TSC2: variants seen among roughly 807,000 people sequenced by gnomAD.
TSC2 encodes the protein tuberin.
A neutral mutation model predicts 202.2 loss-of-function variants in TSC2; 29 were observed. The ratio of observed to expected loss-of-function variants is 0.14; its 90% confidence interval spans 0.11 to 0.20. The LOEUF is 0.20. TSC2 is among the 10% of genes least tolerant of loss of function. TSC2 has a pLI of 1.00. For missense variants in TSC2, 2,429 were observed against 2,420.0 expected, an observed-to-expected ratio of 1.00 and a Z score of -0.08; for synonymous variants, 1,349 against 1,044.0, an observed-to-expected ratio of 1.29 and a Z score of -5.63.
At chr16:2,062,858 T>C in intron 13 of TSC2, 114 bp from the exon 14 acceptor site, 1 of 1,209,298 alleles carries the variant, frequency 8.3e-7, no homozygotes, top group Admixed American at 2.0e-5. Flanking sequence ...CTGTGCCCTG[T>C]GTGCCTGGCC....
At chr16:2,064,763 A>G (rs1398770821) in intron 15 of TSC2, 1 of 422,360 alleles carries the variant, frequency 2.4e-6, no homozygotes, top group African/African-American at 2.0e-5. Context: ...TGATTTTCAG[A>G]TGCATTTTGG....
At chr16:2,060,312 T>G (rs993236697) in intron 10 of TSC2, among the ~76,000 whole-genome samples, 6 of 152,084 alleles carry the variant, frequency 3.9e-5, no homozygotes, top group African/African-American at 1.4e-4. Context: ...GCTACCCCCC[T>G]CCCCGTAGGG....
chr16:2,072,464 G>A lies in TSC2; in HGVS notation c.2220+101G>A, dbSNP rs2088609430. The A allele has an allele frequency of 4.6e-6, 7 of 1,538,186 alleles. No individual in the cohort carries two copies. In the East Asian group the frequency reaches 1.6e-4, roughly 35 times the overall value. The stretch of plus-strand genomic sequence containing the variant: ...GAGCGAGTGAGACCCTTCGGGCTCG[G>A]GCTCCATTTCCCTCAAACTCAGCTG... On this transcript the variant is annotated intron_variant, in intron 20 of 41. Transcript: ENST00000219476.
rs745860116 is a variant in TSC2, at chr16:2,085,241, T to A, written c.4581T>A (p.Phe1527Leu). 6.2e-7 allele frequency: 1 copy of A among 1,612,744 alleles called. No homozygotes were observed. The highest frequency in any genetic ancestry group is 8.5e-7 in the Non-Finnish European group (1 of 1,179,946). ...TCTGTGTGCCACAGTCACAGTCCTT[T>A]GAGCGGTCGGTGCAGCTCCTCGACC... is the stretch of plus-strand genomic sequence containing the variant. ...PILLPNESQS[F>L]ERSVQLLDQI... is the part of the protein sequence containing the mutation. Residue 1527 changes from phenylalanine (F) to leucine (L), a missense_variant, in exon 36 of 42, where the codon TTT (phenylalanine) becomes TTA (leucine). By Grantham distance (22) the Phe-to-Leu change is conservative. Coordinates refer to ENST00000219476, the MANE Select transcript of TSC2 (RefSeq NM_000548.5).
intron 22 of TSC2, 129 bp downstream of exon 22, chr16:2,074,518 C>G (rs913713083): frequency 2.5e-6 from 3 of 1,204,856 alleles, no homozygotes; most frequent in Non-Finnish European, 3.5e-6. Flanking sequence ...TGCCTCAGGG[C>G]CTGGGCGTCT....
At chr16:2,073,322 G>C (rs774956481) in intron 21 of TSC2, among the ~76,000 whole-genome samples, 3 of 152,192 alleles carry the variant, frequency 2.0e-5, no homozygotes, top group Non-Finnish European at 4.4e-5. Flanking sequence ...GAGGCGCAGG[G>C]TGGGCAGGCC....
rs922935770 is a variant in TSC2 at position 2,081,210 on chromosome 16, G to C, written c.3611-385G>C. The C allele has an allele frequency of 5.2e-4, 184 of 355,316 alleles. 1 individual carries two copies. The East Asian group carries it at 0.01, about 20-fold the overall frequency. The allele number at this position is 355,316 out of a possible 1,614,324, so 22.0% of individuals were successfully genotyped here. A position where few individuals can be genotyped will look rare whatever the true frequency, so the allele number is the denominator to read the frequency against. On this transcript the variant is annotated intron_variant, in intron 30 of 41. Transcript: ENST00000219476. ...CAGCCTGTTCCCAGGGGCAGAGGGAGCCCCCGCAGAGGCCCAGAGCCCAGG... is the reference window on the plus strand; with the variant it reads ...CAGCCTGTTCCCAGGGGCAGAGGGACCCCCCGCAGAGGCCCAGAGCCCAGG...
chr16:2,072,996 A>C lies in TSC2; in HGVS notation c.2355+13A>C. 6.2e-7 allele frequency: 1 copy of C among 1,613,260 alleles called. No homozygotes were observed. The highest frequency in any genetic ancestry group is 8.5e-7 in the Non-Finnish European group (1 of 1,180,018). ...CAAAACCAAACAGGTAGGAGGTCAG[A>C]GCAGGACAGGCGAGCTTGATGGGGC... On this transcript the variant is annotated intron_variant, in intron 21 of 41. Coordinates refer to ENST00000219476, the MANE Select transcript of TSC2 (RefSeq NM_000548.5).
intron 22 of TSC2, 34 bp downstream of exon 22, chr16:2,074,423 G>A (rs1361712134): frequency 6.2e-7 from 1 of 1,604,296 alleles, no homozygotes; most frequent in African/African-American, 1.3e-5. Flanking sequence ...ATGCACCCGA[G>A]AGGTTCGGGC....
Position 2,061,953 on chromosome 16 carries a change from A to G in TSC2, c.1202A>G (p.His401Arg), listed in dbSNP as rs2086691569. Residue 401 changes from histidine (H) to arginine (R), a missense_variant, in exon 12 of 42, where the codon CAC becomes CGC. Physicochemically the swap from His to Arg is conservative, Grantham distance 29. Coordinates refer to ENST00000219476, the MANE Select transcript of TSC2 (RefSeq NM_000548.5). ...GAGCTGTGTGACCAGAACGAGTTCC[A>G]CGGGTCTCAGGAGAGATACTTTGAA... ...VEELCDQNEF[H>R]GSQERYFELV... 2.5e-6 allele frequency: 4 copies of G among 1,614,170 alleles called. No homozygotes were observed. Among genetic ancestry groups the G allele is most frequent in the South Asian group, 2.2e-5 (2 of 91,088 alleles).
Position 2,071,507 on chromosome 16 carries a change from C to T in TSC2, c.1840-3C>T, listed in dbSNP as rs397515154. The stretch of plus-strand genomic sequence containing the variant: ...CTGGCTTTCACCATCCTCTTCCTGA[C>T]AGGCCTTTGACTTCCTGTTGCTGCT... On this transcript the variant is annotated splice_polypyrimidine_tract_variant and splice_region_variant and intron_variant, in intron 17 of 41. Transcript: ENST00000219476. 1 of 1,613,624 alleles carries T rather than the reference C, an allele frequency of 6.2e-7. No homozygotes were observed. Among genetic ancestry groups the T allele is most frequent in the Non-Finnish European group, 8.5e-7 (1 of 1,180,008 alleles).
chr16:2,048,889 G>A (rs968579090), intron 2 of TSC2, 136 bp downstream of exon 2: 6 of 1,262,884 alleles, frequency 4.8e-6, no homozygotes, highest in African/African-American at 3.0e-5. Context: ...GTACTTGGAG[G>A]CCGACATGTC....
At chr16:2,061,153 G>A (rs1232603640) in intron 11 of TSC2, 5 of 397,472 alleles carry the variant, frequency 1.3e-5, no homozygotes, top group Non-Finnish European at 2.4e-5. Flanking sequence ...TGTGGCTTCC[G>A]CATGACTTTG....
At chr16:2,062,870 C>G (rs562171305) in intron 13 of TSC2, 102 bp from the exon 14 acceptor site, 4 of 1,342,882 alleles carry the variant, frequency 3.0e-6, no homozygotes, top group Non-Finnish European at 4.1e-6. Context: ...TGCCTGGCCG[C>G]GGGAGGACCC....
intron 25 of TSC2, 119 bp downstream of exon 25, chr16:2,076,704 T>A: frequency 9.5e-7 from 1 of 1,055,448 alleles, no homozygotes; most frequent in African/African-American, 1.6e-5. Context: ...TGCCCTGGAG[T>A]ATGTGAGGCA....
At chr16:2,070,034 C>T (rs1401511718) in intron 16 of TSC2, among the ~76,000 whole-genome samples, 3 of 152,218 alleles carry the variant, frequency 2.0e-5, no homozygotes, top group African/African-American at 4.8e-5. Context: ...CAGATTTCCC[C>T]TGGCTCCTGC....
rs2090203767 is a variant in TSC2 at position 2,082,012 on chromosome 16, GC to G, written c.3814+215del. The G allele has an allele frequency of 4.3e-6, 3 of 699,172 alleles. No homozygotes were observed. In the Admixed American group the frequency reaches 6.6e-5, roughly 15 times the overall value. The allele number at this position is 699,172 out of a possible 1,614,324, so 43.3% of individuals were successfully genotyped here. On this transcript the variant is annotated intron_variant, in intron 31 of 41. Coordinates refer to ENST00000219476, the MANE Select transcript of TSC2 (RefSeq NM_000548.5). ...GAAGCTGGGGCTGGCAGCTTCAGAA[GC>G]AGTAGGGGCCCTGTGGAGCCTCTGC...
intron 16 of TSC2, 132 bp downstream of exon 16, chr16:2,065,767 G>A (rs1244883376): frequency 1.2e-6 from 1 of 802,102 alleles, no homozygotes; most frequent in Admixed American, 1.8e-5. Flanking sequence ...GGGTGCGGTG[G>A]TCTCAGCAGG....
chr16:2,062,461 G>C (rs1467237890), intron 12 of TSC2, 36 bp from the exon 13 acceptor site: 3 of 1,571,172 alleles, frequency 1.9e-6, no homozygotes, highest in South Asian at 1.2e-5. Context: ...GAGCGCCGGA[G>C]GGGCAGAGGG....
Sources: gnomAD v4.1 joint callset for allele counts (sites outside exome capture counted in the v4.1 genomes callset) on GRCh38, gnomAD v4.1.1 for gene constraint, MANE v1.5 for transcripts, NCBI Gene and HGNC (gene_info 2026-07-23, HGNC 2026-07-21) for gene names.